Variants in SYN3 observed in about 807,000 individuals in gnomAD.
SYN3 encodes synapsin III, also known as synapsin-3.
Under a neutral mutation model 65.8 loss-of-function variants are expected in SYN3, and 35 were observed. That is an observed-to-expected ratio of 0.53 (90% CI 0.41 to 0.70). The LOEUF (loss-of-function observed/expected upper bound fraction) is 0.70, where lower values mean the gene tolerates loss of function less well. Ranked by LOEUF, SYN3 falls within the 30% of genes least tolerant of loss-of-function variation. The probability of loss-of-function intolerance (pLI) is 0.00; values close to 1 mark genes in which losing one functional copy is unlikely to be tolerated. For missense variants in SYN3, 680 were observed against 749.0 expected, an observed-to-expected ratio of 0.91 and a Z score of 1.08; for synonymous variants, 270 against 292.9, an observed-to-expected ratio of 0.92 and a Z score of 0.80.
intron 3 of SYN3, among the ~76,000 whole-genome samples, chr22:32,946,429 A>T (rs2051113380): frequency 6.6e-6 from 1 of 152,102 alleles, no homozygotes; most frequent in Non-Finnish European, 1.5e-5. Flanking sequence ...ATTCTCAGCA[A>T]ACTATCACAA....
chr22:32,929,358 A>G (rs1470977308), intron 4 of SYN3, among the ~76,000 whole-genome samples: 1 of 151,846 alleles, frequency 6.6e-6, no homozygotes, highest in Non-Finnish European at 1.5e-5. Flanking sequence ...TCCATACCTG[A>G]TTTTTTTCAA....
chr22:33,052,079 GA>G (rs991352894), intron 1 of SYN3, among the ~76,000 whole-genome samples: 59 of 152,220 alleles, frequency 3.9e-4, no homozygotes, highest in African/African-American at 1.4e-3. Context: ...CAGAGAGGGA[GA>G]CCATCCTGCC....
intron 6 of SYN3, among the ~76,000 whole-genome samples, chr22:32,674,025 T>G (rs2060407593): frequency 6.6e-6 from 1 of 151,976 alleles, no homozygotes; most frequent in Admixed American, 6.6e-5. Context: ...AGGCTGTTGC[T>G]GAAACCCAGG....
chr22:32,997,283 C>T (rs534733091), intron 2 of SYN3, among the ~76,000 whole-genome samples: 1 of 152,178 alleles, frequency 6.6e-6, no homozygotes. Context: ...GGTCAGGGGA[C>T]GTGCACAGAT....
chr22:32,872,936 C>T (rs931384282), intron 4 of SYN3, among the ~76,000 whole-genome samples: 6 of 115,176 alleles, frequency 5.2e-5, no homozygotes, highest in African/African-American at 1.7e-4. Flanking sequence ...GCCCTAAGCA[C>T]TTTTTTTTTT....
At chr22:32,798,295 C>T (rs1435080195) in intron 6 of SYN3, among the ~76,000 whole-genome samples, 3 of 152,186 alleles carry the variant, frequency 2.0e-5, no homozygotes, top group Admixed American at 1.3e-4. Flanking sequence ...AAAGCAGATA[C>T]GAGATCTGTG....
At chr22:32,791,084 G>C (rs926141472) in intron 6 of SYN3, among the ~76,000 whole-genome samples, 2 of 152,116 alleles carry the variant, frequency 1.3e-5, no homozygotes, top group Non-Finnish European at 2.9e-5. Context: ...ATTACTAAAC[G>C]TCTCTGTGCC....
intron 2 of SYN3, among the ~76,000 whole-genome samples, chr22:32,991,056 G>A (rs780154331): frequency 3.9e-5 from 6 of 152,092 alleles, no homozygotes; most frequent in Non-Finnish European, 5.9e-5. Flanking sequence ...TGGACGTGGT[G>A]CCTGTAGTCC....
intron 7 of SYN3, 28 bp from the exon 8 acceptor site, chr22:32,541,741 G>T: frequency 6.2e-7 from 1 of 1,606,700 alleles, no homozygotes; most frequent in Non-Finnish European, 8.5e-7. Context: ...GGGGATGAGT[G>T]CCACCCACCC....
At chr22:32,989,210 T>C (rs375393274) in intron 2 of SYN3, among the ~76,000 whole-genome samples, 1 of 152,186 alleles carries the variant, frequency 6.6e-6, no homozygotes, top group Non-Finnish European at 1.5e-5. Context: ...AGTGTCAACC[T>C]TCCTGAACCT....
chr22:32,970,611 C>CA (rs1351699656), intron 3 of SYN3, among the ~76,000 whole-genome samples: 3 of 149,614 alleles, frequency 2.0e-5, no homozygotes, highest in African/African-American at 7.4e-5. Flanking sequence ...TAATGAACAT[C>CA]AGCCCTTGGG....
At chr22:32,857,469 G>A in intron 6 of SYN3, 1 of 843,312 alleles carries the variant, frequency 1.2e-6, no homozygotes, top group Admixed American at 1.9e-5. Flanking sequence ...CCAGTAAATT[G>A]TAAGGAGTCT....
chr22:32,597,334 G>C (rs1337359322), intron 6 of SYN3, among the ~76,000 whole-genome samples: 1 of 145,676 alleles, frequency 6.9e-6, no homozygotes, highest in Non-Finnish European at 1.5e-5. Flanking sequence ...TCCTGCCTCA[G>C]CCTCCCAAGT....
chr22:33,029,397 G>A (rs1002419056), intron 1 of SYN3, among the ~76,000 whole-genome samples: 2 of 151,968 alleles, frequency 1.3e-5, no homozygotes, highest in Admixed American at 1.3e-4. Context: ...TGCCCAGGCT[G>A]GTCTGGAACT....
intron 8 of SYN3, among the ~76,000 whole-genome samples, chr22:32,538,406 CTG>C (rs34523214): frequency 0.64 from 97,747 of 151,796 alleles, 31,587 homozygotes; most frequent in East Asian, 0.9. Context: ...AAACTTTGGC[CTG>C]TTTTTGAGGA....
chr22:32,777,922 A>G (rs1454664363), intron 6 of SYN3, among the ~76,000 whole-genome samples: 1 of 152,176 alleles, frequency 6.6e-6, no homozygotes, highest in East Asian at 1.9e-4. Context: ...ACTATTAAAG[A>G]AAGAATTCCT....
intron 3 of SYN3, among the ~76,000 whole-genome samples, chr22:32,951,429 T>C (rs1412652544): frequency 6.6e-6 from 1 of 152,162 alleles, no homozygotes; most frequent in Non-Finnish European, 1.5e-5. Flanking sequence ...CATCCCTACG[T>C]GACATAAAGA....
chr22:33,017,594 T>A (rs1427256682), intron 1 of SYN3, among the ~76,000 whole-genome samples: 3 of 152,240 alleles, frequency 2.0e-5, no homozygotes, highest in African/African-American at 4.8e-5. Context: ...CCTCCTTGGT[T>A]AAATTTACTC....
intron 6 of SYN3, among the ~76,000 whole-genome samples, chr22:32,742,798 C>T (rs2044814263): frequency 6.6e-6 from 1 of 152,176 alleles, no homozygotes; most frequent in Non-Finnish European, 1.5e-5. Flanking sequence ...CCCCATTGTG[C>T]ATAGTATGCT....
Sources: allele counts gnomAD v4.1 joint callset (sites outside exome capture counted in the v4.1 genomes callset), GRCh38; gene constraint gnomAD v4.1.1; transcripts MANE v1.5; gene names NCBI Gene and HGNC (gene_info 2026-07-23, HGNC 2026-07-21).